The following KCTD1 variants were observed in gnomAD, a reference collection of about 807,000 sequenced individuals.
KCTD1 encodes BTB/POZ domain-containing protein KCTD1.
In KCTD1, 24 loss-of-function variants were observed where a neutral mutation model predicts 66.0. That is an observed-to-expected ratio of 0.36 (90% CI 0.26 to 0.51). The LOEUF (loss-of-function observed/expected upper bound fraction) is 0.51. KCTD1 is among the 20% of genes least tolerant of loss of function. The pLI is 0.95. For missense variants in KCTD1, 943 were observed against 1,205.2 expected (o/e 0.78, Z 3.22); for synonymous variants, 511 against 517.2 (o/e 0.99, Z 0.16).
upstream of KCTD1, among the ~76,000 whole-genome samples, chr18:26,643,944 A>G (rs138348416): frequency 6.8e-3 from 1,040 of 152,044 alleles, 5 homozygotes; most frequent in Non-Finnish European, 9.1e-3. Flanking sequence ...CCTGGGTGAC[A>G]GAGTGAGACT....
intron 1 of KCTD1, among the ~76,000 whole-genome samples, chr18:26,559,303 C>T (rs924611710): frequency 6.6e-6 from 1 of 152,018 alleles, no homozygotes; most frequent in Non-Finnish European, 1.5e-5. Flanking sequence ...GGATGGATAC[C>T]CCATTCTCCA....
rs1313137546 is a variant in KCTD1, at chr18:26,546,967, G to C, written c.1570C>G (p.Pro524Ala). 3 of 1,469,654 alleles carry C rather than the reference G, an allele frequency of 2.0e-6. No homozygotes were observed. Among genetic ancestry groups the C allele is most frequent in the Non-Finnish European group, 2.7e-6 (3 of 1,104,734 alleles). 91.0% of individuals were successfully genotyped at this position (1,469,654 alleles called of 1,614,324 possible). A position where few individuals can be genotyped will look rare whatever the true frequency, so the allele number is the denominator to read the frequency against. Residue 524 changes from proline to alanine, a missense_variant, in exon 1 of 5, where the codon CCC (proline) becomes GCC (alanine). Physicochemically the swap from Pro to Ala is conservative, Grantham distance 27 (BLOSUM62 -1). Around this residue, in one of 10 missense-constraint regions of KCTD1, gnomAD observed 197 missense variants for 182.7 expected, o/e 1.08. Transcript: ENST00000580059. ...GGCGCAGCCTCGGATTTCACGTCGG[G>C]CCCGACCTGGCTGTCTTTGGGGAGG... ...YILPKDSQVG[P>A]DVKSEAAPKR...
chr18:26,656,936 C>T (rs1185625766), intron 1 of KCTD1, among the ~76,000 whole-genome samples: 1 of 149,104 alleles, frequency 6.7e-6, no homozygotes, highest in South Asian at 2.1e-4. Flanking sequence ...CGCGGCGGAG[C>T]GGCCGCGGGG....
chr18:26,461,646 T>C (rs1980433668), intron 3 of KCTD1, among the ~76,000 whole-genome samples: 2 of 152,222 alleles, frequency 1.3e-5, no homozygotes, highest in Admixed American at 1.3e-4. Flanking sequence ...GGCTTTGTCA[T>C]CTTGGCATCA....
upstream of KCTD1, among the ~76,000 whole-genome samples, chr18:26,630,969 T>C (rs370219251): frequency 1.3e-4 from 20 of 152,256 alleles, no homozygotes; most frequent in African/African-American, 4.8e-4. Context: ...GCAACTGCGA[T>C]CTTGATATCC....
chr18:26,625,711 C>T (rs994301930), intron 1 of KCTD1, among the ~76,000 whole-genome samples: 1 of 152,176 alleles, frequency 6.6e-6, no homozygotes, highest in Non-Finnish European at 1.5e-5. Context: ...TTCCTTCATG[C>T]TACAAGAAGC....
At chr18:26,624,674 C>A (rs1238612456) in intron 1 of KCTD1, among the ~76,000 whole-genome samples, 1 of 152,232 alleles carries the variant, frequency 6.6e-6, no homozygotes, top group Non-Finnish European at 1.5e-5. Flanking sequence ...GGAGAATTTC[C>A]ACTAGGGCAG....
rs192325342 is a variant in KCTD1, at chr18:26,614,368, G to T, written c.-16+14779C>A. Among the ~76,000 whole-genome samples, 31 of 152,296 alleles carry T rather than the reference G, an allele frequency of 2.0e-4. 1 individual carries two copies. The highest frequency in any genetic ancestry group is 5.2e-4 in the Admixed American group (8 of 15,294). ...TCACCTTCTAATAGAAAGACAAATA[G>T]AAAAAATCCATGACTATGCTCCAAA... On this transcript the variant is annotated intron_variant, in intron 1 of 4. Transcript: ENST00000317932.
chr18:26,525,629 C>T (rs1355496471), intron 1 of KCTD1, among the ~76,000 whole-genome samples: 1 of 152,224 alleles, frequency 6.6e-6, no homozygotes, highest in Non-Finnish European at 1.5e-5. Flanking sequence ...AGCAGCCCTA[C>T]TCCCCTGATA....
intron 2 of KCTD1, among the ~76,000 whole-genome samples, chr18:26,500,278 G>C (rs913507008): frequency 2.0e-5 from 3 of 151,776 alleles, no homozygotes; most frequent in Non-Finnish European, 4.4e-5. Context: ...AAAAAAGCTG[G>C]GCATGGGGGC....
rs1491462799 is a variant in KCTD1, at chr18:26,564,018, GCT to G, written c.-15-62770_-15-62769del. ...CCTTAGGCTTCATTCAAAGAGAGGG[GCT>G]TTTTTTTTTTTGTATTCGCATTGCC... On this transcript the variant is annotated intron_variant, in intron 1 of 4. Transcript: ENST00000317932. Among the ~76,000 whole-genome samples, 697 of 136,424 alleles carry G rather than the reference GCT, an allele frequency of 5.1e-3. 5 individuals carry two copies. Among genetic ancestry groups the G allele is most frequent in the African/African-American group, 0.021 (660 of 32,148 alleles). 89.5% of individuals were successfully genotyped at this position (136,424 alleles called of 152,430 possible).
upstream of KCTD1, among the ~76,000 whole-genome samples, chr18:26,644,909 C>A (rs1271242066): frequency 6.6e-6 from 1 of 152,166 alleles, no homozygotes; most frequent in South Asian, 2.1e-4. Context: ...TGCTGAGCTG[C>A]AGAGATGCCA....
At chr18:26,537,671 A>G (rs962078944) in intron 1 of KCTD1, among the ~76,000 whole-genome samples, 1 of 152,236 alleles carries the variant, frequency 6.6e-6, no homozygotes, top group Non-Finnish European at 1.5e-5. Context: ...AAACATCATA[A>G]CACAGGCTCT....
chr18:26,583,393 C>CAAAAAAAAAAAAAAAAAAAAAAAA (rs55720907), intron 1 of KCTD1, among the ~76,000 whole-genome samples: 2 of 83,816 alleles, frequency 2.4e-5, no homozygotes, highest in African/African-American at 4.7e-5. Context: ...GACTTTGTCT[C>CAAAAAAAAAAAAAAAAAAAAAAAA]AAAAAAAAAA....
At position 26,513,113 on chromosome 18, in the gene KCTD1, A is replaced by AGGG. The variant is rs1983427994; in HGVS notation, c.1810-11864_1810-11863insCCC. On this transcript the variant is annotated intron_variant, in intron 1 of 4. Coordinates refer to ENST00000580059, the MANE Select transcript of KCTD1 (RefSeq NM_001142730.3). Reference sequence around the variant, plus strand: ...GTATTTTTTTTTTTTTTTGAGACGTAGTCTCGCTGTGTTGCCCAGGCTGGA... The same window carrying AGGG: ...GTATTTTTTTTTTTTTTTGAGACGTAGGGGTCTCGCTGTGTTGCCCAGGCTGGA... Among the ~76,000 whole-genome samples the AGGG allele has an allele frequency of 4.6e-5, 6 of 129,518 alleles. No homozygotes were observed. In the Admixed American group the frequency reaches 4.9e-4, roughly 11 times the overall value. The allele number at this position is 129,518 out of a possible 152,430, so 85.0% of individuals were successfully genotyped here.
intron 1 of KCTD1, chr18:26,575,616 A>C (rs1333542068): frequency 6.6e-6 from 1 of 152,240 alleles, no homozygotes; most frequent in Non-Finnish European, 1.5e-5. Flanking sequence ...CTAGCCTGCC[A>C]GCTAGAAAGG....
intron 1 of KCTD1, among the ~76,000 whole-genome samples, chr18:26,637,366 C>T (rs1231982952): frequency 1.3e-5 from 2 of 152,156 alleles, no homozygotes; most frequent in Non-Finnish European, 2.9e-5. Context: ...CTGTGAACAA[C>T]GAAGAATGTT....
intron 1 of KCTD1, among the ~76,000 whole-genome samples, chr18:26,537,975 G>C (rs1179066585): frequency 6.6e-6 from 1 of 152,218 alleles, no homozygotes; most frequent in Non-Finnish European, 1.5e-5. Flanking sequence ...GGCCGGGCAT[G>C]GTGGCTCATG....
At chr18:26,470,359 G>A (rs1338315041) in intron 3 of KCTD1, among the ~76,000 whole-genome samples, 1 of 152,190 alleles carries the variant, frequency 6.6e-6, no homozygotes, top group Non-Finnish European at 1.5e-5. Context: ...CCTTCTGTGG[G>A]ATCGTCTGAC....
Sources: allele counts gnomAD v4.1 joint callset (sites outside exome capture counted in the v4.1 genomes callset), GRCh38; gene constraint gnomAD v4.1.1; regional missense constraint gnomAD v4.1.1; transcripts MANE v1.5; gene names NCBI Gene and HGNC (gene_info 2026-07-23, HGNC 2026-07-21).